Variants in FBN3 observed in about 807,000 individuals in gnomAD.
FBN3 encodes fibrillin-3.
In FBN3, 234 loss-of-function variants were observed where a neutral mutation model predicts 330.1. The ratio of observed to expected loss-of-function variants is 0.71; its 90% confidence interval spans 0.64 to 0.79. The LOEUF is 0.79. FBN3 is among the 30% of genes least tolerant of loss of function. The pLI is 0.00. For missense variants in FBN3, 3,606 were observed against 3,886.9 expected (o/e 0.93, Z 1.92); for synonymous variants, 1,458 against 1,517.3 (o/e 0.96, Z 0.91).
chr19:8,090,208 C>T lies in FBN3; in HGVS notation c.6075G>A (p.Lys2025=), dbSNP rs1568379330. ...TGTTGAAAGCTTTGGGCACCGAGCA[C>T]TTCCCAGCCTCAAAACGGGTGAAGC... is the stretch of plus-strand genomic sequence containing the variant. ...SFCFTRFEAG[K]CSVPKAFNTT... Residue 2025 remains lysine (K), a synonymous_variant, in exon 49 of 64, where the codon AAG becomes AAA. Coordinates refer to ENST00000600128, the MANE Select transcript of FBN3 (RefSeq NM_032447.5). 1 of 1,614,068 alleles carries T rather than the reference C, an allele frequency of 6.2e-7. No individual in the cohort carries two copies. The highest frequency in any genetic ancestry group is 8.5e-7 in the Non-Finnish European group (1 of 1,180,008).
chr19:8,072,039 C>T lies in FBN3; in HGVS notation c.8088+9G>A. The T allele has an allele frequency of 6.2e-7, 1 of 1,610,540 alleles. No individual in the cohort carries two copies. Among genetic ancestry groups the T allele is most frequent in the Non-Finnish European group, 8.5e-7 (1 of 1,179,386 alleles). ...TGGCCACCCCTGCCTAGTGCAGCAC[C>T]CATGTCACCTGGTGGTCCCTGTGGG... On this transcript the variant is annotated intron_variant, in intron 63 of 63. Coordinates refer to ENST00000600128, the MANE Select transcript of FBN3 (RefSeq NM_032447.5).
At position 8,133,078 on chromosome 19, in the gene FBN3, C is replaced by T; in HGVS notation, c.1620G>A (p.Met540Ile). Residue 540 changes from methionine to isoleucine, a missense_variant, in exon 14 of 64, where the codon ATG becomes ATA. Coordinates refer to ENST00000600128, the MANE Select transcript of FBN3 (RefSeq NM_032447.5). ...CGTTGAGACACACGCCGTTGACGCA[C>T]ATGGTGCTGGTGGCACACTCGTTGT... ...VDHNECATST[M>I]CVNGVCLNED... 2 of 1,583,200 alleles carry T rather than the reference C, an allele frequency of 1.3e-6. No homozygotes were observed. Among genetic ancestry groups the T allele is most frequent in the South Asian group, 1.2e-5 (1 of 86,540 alleles).
chr19:8,109,545 G>T lies in FBN3; in HGVS notation c.4456+86C>A. ...GTCAGGAGCAGGTAGATTTGAACAC[G>T]TTGACATCTGAGTTAACCCAGTGGG... On this transcript the variant is annotated intron_variant, in intron 35 of 63. Transcript: ENST00000600128. This position sits in a 1 kb window ranked among gnomAD's most constrained non-coding sequence, Gnocchi z 5.2. 1 of 1,542,134 alleles carries T rather than the reference G, an allele frequency of 6.5e-7. No individual in the cohort carries two copies.
intron 5 of FBN3, among the ~76,000 whole-genome samples, 163 bp downstream of exon 5, chr19:8,145,680 C>CAA (rs56250248): frequency 0.22 from 23,663 of 108,138 alleles, 2,608 homozygotes; most frequent in Non-Finnish European, 0.26. Context: ...GACTCTGTCT[C>CAA]AAAAAAAAAA....
Position 8,127,971 on chromosome 19 carries a change from A to G in FBN3, c.2296+1057T>C, listed in dbSNP as rs1599408947. On this transcript the variant is annotated intron_variant, in intron 18 of 63. Coordinates refer to ENST00000600128, the MANE Select transcript of FBN3 (RefSeq NM_032447.5). ...AGCCGAGATCGCCCCATTGCACTCC[A>G]GCCTGGGTGACAGAGCGAGACTCTG... is the stretch of plus-strand genomic sequence containing the variant. Among the ~76,000 whole-genome samples the G allele has an allele frequency of 5.9e-5, 9 of 152,304 alleles. 2 individuals are homozygous for G. The highest frequency in any genetic ancestry group is 5.9e-4 in the Admixed American group (9 of 15,286).
At chr19:8,088,984 A>C (rs1386287918) in intron 51 of FBN3, among the ~76,000 whole-genome samples, 18 of 152,028 alleles carry the variant, frequency 1.2e-4, no homozygotes, top group Non-Finnish European at 2.1e-4. Context: ...ATGAGTGAGC[A>C]AAGGAGTGAA....
intron 47 of FBN3, 96 bp from the exon 48 acceptor site, chr19:8,091,686 G>T: frequency 1.4e-6 from 2 of 1,388,216 alleles, no homozygotes; most frequent in Non-Finnish European, 2.0e-6. Context: ...TGGAGTGCAG[G>T]TCCAGCCAGG....
At chr19:8,119,926 TC>T (rs2082801895) in intron 25 of FBN3, among the ~76,000 whole-genome samples, 1 of 143,302 alleles carries the variant, frequency 7.0e-6, no homozygotes, top group Non-Finnish European at 1.5e-5. Flanking sequence ...GTTCAAACTA[TC>T]CTCCCACTTC....
intron 1 of FBN3, among the ~76,000 whole-genome samples, chr19:8,148,219 C>CT (rs2083596495): frequency 6.6e-6 from 1 of 152,136 alleles, no homozygotes; most frequent in African/African-American, 2.4e-5. Context: ...CTTGCCTGGG[C>CT]TGTGCACCCT....
chr19:8,082,335 T>C (rs909385344), intron 57 of FBN3, among the ~76,000 whole-genome samples: 14 of 144,918 alleles, frequency 9.7e-5, no homozygotes, highest in African/African-American at 3.6e-4. Context: ...TTCTGTTTCT[T>C]TCTCTTTCTT....
At chr19:8,099,283 T>A (rs1038028362) in intron 41 of FBN3, among the ~76,000 whole-genome samples, 2 of 143,938 alleles carry the variant, frequency 1.4e-5, no homozygotes, top group African/African-American at 5.1e-5. Flanking sequence ...TTGATTTTTT[T>A]TTTTTTTTTT....
chr19:8,082,473 CCTTCCTT>C (rs1568365343), intron 57 of FBN3, among the ~76,000 whole-genome samples: 7 of 100,104 alleles, frequency 7.0e-5, no homozygotes, highest in African/African-American at 2.6e-4. Flanking sequence ...TTCCTTCCTT[CCTTCCTT>C]CCTTCCTTCC....
At position 8,081,033 on chromosome 19, in the gene FBN3, C is replaced by A; in HGVS notation, c.7423G>T (p.Gly2475Cys). 6.2e-7 allele frequency: 1 copy of A among 1,613,228 alleles called. No homozygotes were observed. Among genetic ancestry groups the A allele is most frequent in the Non-Finnish European group, 8.5e-7 (1 of 1,179,898 alleles). ...VGAFTCRCPP[G>C]FTQHHQACFD... Reference sequence around the variant, plus strand: ...CAGGCCTGGTGGTGCTGGGTGAAGCCGGGCGGACAGCGGCAGGTGAAGGCG... The same window carrying A: ...CAGGCCTGGTGGTGCTGGGTGAAGCAGGGCGGACAGCGGCAGGTGAAGGCG... Residue 2475 changes from glycine to cysteine, a missense_variant, in exon 59 of 64, where the codon GGC becomes TGC. Transcript: ENST00000600128.
Position 8,088,137 on chromosome 19 carries a change from G to A in FBN3, c.6419C>T (p.Thr2140Ile), listed in dbSNP as rs749095499. 1.2e-6 allele frequency: 2 copies of A among 1,613,462 alleles called. No homozygotes were observed. Among genetic ancestry groups the A allele is most frequent in the Non-Finnish European group, 1.7e-6 (2 of 1,179,730 alleles). ...GAAGCCTCCGATGACATTGGTGCATGTCCCTTGCCCACAGGGGTGGCCGAC... is the reference window on the plus strand; with the variant it reads ...GAAGCCTCCGATGACATTGGTGCATATCCCTTGCCCACAGGGGTGGCCGAC... ...CSVGHPCGQG[T>I]CTNVIGGFEC... The change falls in exon 52 of 64, where the codon ACA becomes ATA. Residue 2140 changes from threonine to isoleucine, a missense_variant. Physicochemically the swap from Thr to Ile is moderately conservative, Grantham distance 89. Transcript: ENST00000600128.
chr19:8,088,103 G>A lies in FBN3; in HGVS notation c.6453C>T (p.Ala2151=), dbSNP rs192138386. 9.6e-5 allele frequency: 155 copies of A among 1,614,092 alleles called. No homozygotes were observed. The highest frequency in any genetic ancestry group is 7.9e-5 in the Non-Finnish European group (93 of 1,180,034). Reference sequence around the variant, plus strand: ...GGCCAGGCTCAAAGCCGTCAGCACAGGCACATTCGAAGCCTCCGATGACAT... The same window carrying A: ...GGCCAGGCTCAAAGCCGTCAGCACAAGCACATTCGAAGCCTCCGATGACAT... ...CTNVIGGFEC[A]CADGFEPGLM... is the part of the protein sequence containing the mutation. The change falls in exon 52 of 64, where the codon GCC becomes GCT. Residue 2151 remains alanine (A), a synonymous_variant. Coordinates refer to ENST00000600128, the MANE Select transcript of FBN3 (RefSeq NM_032447.5).
intron 6 of FBN3, among the ~76,000 whole-genome samples, chr19:8,143,337 C>T (rs755807768): frequency 3.4e-4 from 51 of 152,150 alleles, no homozygotes; most frequent in Non-Finnish European, 3.2e-4. Flanking sequence ...AGCTCAGAGT[C>T]CTCCTCCTCC....
In FBN3 at chr19:8,066,252, C is replaced by A; in HGVS notation, c.8097G>T (p.Leu2699=). Reference sequence around the variant, plus strand: ...GCAGGGCCTCGGAGTCAAGGGTGGCCAGGTTCACCTGGGAAGAAAGGCCAG... The same window carrying A: ...GCAGGGCCTCGGAGTCAAGGGTGGCAAGGTTCACCTGGGAAGAAAGGCCAG... ...RSAHRDHQVN[L]ATLDSEALLT... is the part of the protein sequence containing the mutation. Residue 2699 remains leucine, a synonymous_variant, in exon 64 of 64, where the codon CTG becomes CTT. Coordinates refer to ENST00000600128, the MANE Select transcript of FBN3 (RefSeq NM_032447.5). The A allele has an allele frequency of 6.4e-7, 1 of 1,556,224 alleles. No homozygotes were observed. The highest frequency in any genetic ancestry group is 8.7e-7 in the Non-Finnish European group (1 of 1,148,120).
chr19:8,138,646 T>C, intron 8 of FBN3, 82 bp from the exon 9 acceptor site: 1 of 1,422,964 alleles, frequency 7.0e-7, no homozygotes, highest in Non-Finnish European at 9.5e-7. Context: ...GTAGCAGCAC[T>C]GCCTGTAGGA....
chr19:8,117,272 G>T lies in FBN3; in HGVS notation c.3483C>A (p.Val1161=). ...QGCVDINECR[V]QNGGCDVHCI... ...AGTGCACGTCACACCCACCATTCTG[G>T]ACCCGGCATTCGTTGATGTCTGCAG... Residue 1161 remains valine, a synonymous_variant, in exon 28 of 64, where the codon GTC becomes GTA. Transcript: ENST00000600128. The T allele has an allele frequency of 1.3e-6, 2 of 1,573,872 alleles. No individual in the cohort carries two copies. Among genetic ancestry groups the T allele is most frequent in the Non-Finnish European group, 1.7e-6 (2 of 1,157,006 alleles).
Sources: allele counts gnomAD v4.1 joint callset (sites outside exome capture counted in the v4.1 genomes callset), GRCh38; gene constraint gnomAD v4.1.1; non-coding constraint Gnocchi (gnomAD v3.1); transcripts MANE v1.5; gene names NCBI Gene and HGNC (gene_info 2026-07-23, HGNC 2026-07-21).